The following ODAD2 variants were observed in gnomAD, a reference collection of about 807,000 sequenced individuals.
The protein encoded by ODAD2 is outer dynein arm docking complex subunit 2, also known as outer dynein arm-docking complex subunit 2.
In ODAD2, 89 loss-of-function variants were observed where a neutral mutation model predicts 106.8. The observed-to-expected ratio is 0.83, with a 90% CI of 0.70 to 0.99. The LOEUF (loss-of-function observed/expected upper bound fraction) is 0.99, where lower values mean the gene tolerates loss of function less well. ODAD2 is among the 50% of genes least tolerant of loss of function. The pLI is 0.00. For missense variants in ODAD2, 1,168 were observed against 1,238.5 expected, an observed-to-expected ratio of 0.94 and a Z score of 0.85; for synonymous variants, 404 against 436.2, an observed-to-expected ratio of 0.93 and a Z score of 0.92.
chr10:27,954,770 A>G (rs1847605126), intron 10 of ODAD2, among the ~76,000 whole-genome samples: 1 of 152,234 alleles, frequency 6.6e-6, no homozygotes, highest in African/African-American at 2.4e-5. Context: ...AAAGACGGAG[A>G]GGAGCCTCTC....
chr10:27,862,041 A>G (rs1840082090), intron 18 of ODAD2, among the ~76,000 whole-genome samples: 1 of 152,216 alleles, frequency 6.6e-6, no homozygotes, highest in Non-Finnish European at 1.5e-5. Context: ...CAAGAATGCC[A>G]TCGACTGAAG....
At chr10:27,815,483 C>A (rs977463392) in intron 19 of ODAD2, among the ~76,000 whole-genome samples, 4 of 152,166 alleles carry the variant, frequency 2.6e-5, no homozygotes, top group Non-Finnish European at 5.9e-5. Flanking sequence ...TGAAATAACC[C>A]TCTCAGAGGA....
intron 17 of ODAD2, among the ~76,000 whole-genome samples, chr10:27,865,961 T>C (rs2133376787): frequency 6.6e-6 from 1 of 152,350 alleles, no homozygotes; most frequent in Non-Finnish European, 1.5e-5. Context: ...TAGGACATAC[T>C]TCTAAATTCT....
At position 27,944,440 on chromosome 10, in the gene ODAD2, G is replaced by A. The variant is rs1564532907; in HGVS notation, c.1534-9C>T. 5.7e-6 allele frequency: 9 copies of A among 1,579,048 alleles called. No individual in the cohort carries two copies. The highest frequency in any genetic ancestry group is 5.3e-5 in the Admixed American group (3 of 56,916). On this transcript the variant is annotated splice_polypyrimidine_tract_variant and intron_variant, in intron 11 of 19. Coordinates refer to ENST00000305242, the MANE Select transcript of ODAD2 (RefSeq NM_018076.5). ...ATTTTTAATGAACCAATCTGTGTGA[G>A]AAAAAAAAAGATGAGTGGCGAATAT...
chr10:27,867,307 G>A (rs1244983418), intron 17 of ODAD2, among the ~76,000 whole-genome samples: 1 of 152,178 alleles, frequency 6.6e-6, no homozygotes, highest in African/African-American at 2.4e-5. Flanking sequence ...TTTTCAGGCT[G>A]TGATGAACGG....
chr10:27,991,505 C>T (rs1164505584), intron 2 of ODAD2, among the ~76,000 whole-genome samples: 1 of 152,140 alleles, frequency 6.6e-6, no homozygotes, highest in Admixed American at 6.5e-5. Flanking sequence ...AAAGGATGAT[C>T]AAACTTCTAT....
At chr10:27,983,762 C>A in intron 6 of ODAD2, 81 bp downstream of exon 6, 1 of 1,323,464 alleles carries the variant, frequency 7.6e-7, no homozygotes, top group South Asian at 1.3e-5. Flanking sequence ...TCTCTGTGGT[C>A]ATTGGGACAC....
intron 19 of ODAD2, among the ~76,000 whole-genome samples, chr10:27,847,309 C>T (rs530327693): frequency 0.01 from 1,588 of 152,182 alleles, 23 homozygotes; most frequent in African/African-American, 0.037. Flanking sequence ...ATAAACAGAA[C>T]CAAAGACAAA....
At chr10:27,887,119 A>T (rs1273530516) in intron 17 of ODAD2, among the ~76,000 whole-genome samples, 1 of 152,164 alleles carries the variant, frequency 6.6e-6, no homozygotes, top group Non-Finnish European at 1.5e-5. Context: ...TTACAAGAGC[A>T]TCATTTTAGA....
rs890521873 is a variant in ODAD2 at position 27,853,750 on chromosome 10, A to T, written c.3021+6875T>A. Among the ~76,000 whole-genome samples the T allele has an allele frequency of 7.2e-5, 11 of 152,336 alleles. No homozygotes were observed. In the South Asian group the frequency reaches 2.3e-3, roughly 32 times the overall value. On this transcript the variant is annotated intron_variant, in intron 19 of 19. Transcript: ENST00000305242. ...TGATTCATAATTAGTATCATAAAAA[A>T]GTTTACTCGAATGGGTCATAGACTA... is the stretch of plus-strand genomic sequence containing the variant.
intron 17 of ODAD2, among the ~76,000 whole-genome samples, chr10:27,889,409 A>G (rs1842424457): frequency 6.6e-6 from 1 of 152,220 alleles, no homozygotes; most frequent in South Asian, 2.1e-4. Context: ...CAAATTTGAC[A>G]TCAGAATAAT....
chr10:27,913,228 C>T (rs1844131832), intron 16 of ODAD2, among the ~76,000 whole-genome samples: 9 of 151,600 alleles, frequency 5.9e-5, no homozygotes, highest in Admixed American at 5.9e-4. Context: ...ATTTTGTTAC[C>T]CAGATAATAA....
intron 7 of ODAD2, among the ~76,000 whole-genome samples, chr10:27,978,743 G>A (rs1369333377): frequency 2.0e-5 from 3 of 152,034 alleles, no homozygotes; most frequent in Admixed American, 2.0e-4. Flanking sequence ...AGTGAGCCAA[G>A]ATCACACCAC....
intron 7 of ODAD2, among the ~76,000 whole-genome samples, chr10:27,973,749 G>A (rs1849011937): frequency 6.6e-6 from 1 of 152,116 alleles, no homozygotes; most frequent in African/African-American, 2.4e-5. Context: ...ATGAACATAT[G>A]TGTGCATGTG....
rs1217872182 is a variant in ODAD2, at chr10:27,862,547, CTTT to C, written c.2683_2685del (p.Lys895del). The C allele has an allele frequency of 5.0e-6, 8 of 1,610,800 alleles. No homozygotes were observed. Among genetic ancestry groups the C allele is most frequent in the African/African-American group, 1.3e-5 (1 of 74,794 alleles). On this transcript the variant is annotated inframe_deletion, in exon 18 of 20. Transcript: ENST00000305242. ...GCAGCACATACACTTGCCAGAACTT[CTTT>C]GTTATCTGATTTCAGTAAATTGACA...
At chr10:27,930,827 T>C (rs1845565162) in intron 16 of ODAD2, among the ~76,000 whole-genome samples, 1 of 152,196 alleles carries the variant, frequency 6.6e-6, no homozygotes, top group African/African-American at 2.4e-5. Flanking sequence ...TGAGAACACG[T>C]TGTCATTTAG....
intron 7 of ODAD2, among the ~76,000 whole-genome samples, chr10:27,978,341 CT>C (rs1270149393): frequency 6.6e-6 from 1 of 152,264 alleles, no homozygotes; most frequent in East Asian, 1.9e-4. Flanking sequence ...AAACATAAGC[CT>C]TTGAAATGCT....
intron 17 of ODAD2, among the ~76,000 whole-genome samples, chr10:27,864,757 G>A (rs1322111194): frequency 1.3e-5 from 2 of 151,964 alleles, no homozygotes; most frequent in Non-Finnish European, 2.9e-5. Flanking sequence ...TGAGTGTAAT[G>A]TCCACCAATT....
At chr10:27,832,208 C>A (rs11006736) in intron 19 of ODAD2, among the ~76,000 whole-genome samples, 107,944 of 152,138 alleles carry the variant, frequency 0.71, 38,420 homozygotes, top group Admixed American at 0.75. Context: ...ATCCTTAAAA[C>A]ATATCCTTGA....
Sources: allele counts gnomAD v4.1 joint callset (sites outside exome capture counted in the v4.1 genomes callset), GRCh38; gene constraint gnomAD v4.1.1; transcripts MANE v1.5; gene names NCBI Gene and HGNC (gene_info 2026-07-23, HGNC 2026-07-21).